NCAPG2: variants seen among roughly 807,000 people sequenced by gnomAD.
The protein encoded by NCAPG2 is non-SMC condensin II complex subunit G2, also known as condensin-2 complex subunit G2.
Under a neutral mutation model 141.1 loss-of-function variants are expected in NCAPG2, and 53 were observed. That is an observed-to-expected ratio of 0.38 (90% CI 0.30 to 0.47). NCAPG2 has a LOEUF of 0.47. Among genes scored for constraint, NCAPG2 ranks in the 20% least tolerant of loss-of-function variants. The pLI is 0.99. For synonymous variants in NCAPG2, 499 were observed against 490.7 expected (o/e 1.02, Z -0.22); for missense variants, 1,087 against 1,389.0 (o/e 0.78, Z 3.46).
intron 19 of NCAPG2, 41 bp from the exon 20 acceptor site, chr7:158,655,496 A>AG: frequency 6.6e-7 from 1 of 1,507,108 alleles, no homozygotes; most frequent in Non-Finnish European, 9.2e-7. Flanking sequence ...CTGACTGACA[A>AG]GGCACCACCA....
chr7:158,652,223 G>A, intron 23 of NCAPG2, 70 bp downstream of exon 23: 1 of 1,420,292 alleles, frequency 7.0e-7, no homozygotes, highest in Non-Finnish European at 9.7e-7. Context: ...CAGGGCTGAT[G>A]CATCTGTGTA....
At chr7:158,696,058 T>C (rs1835423713) in intron 2 of NCAPG2, 1 of 152,268 alleles carries the variant, frequency 6.6e-6, no homozygotes, top group Non-Finnish European at 1.5e-5. Flanking sequence ...GGAAGTCTTG[T>C]TGCGTAGCAA....
rs374240477 is a variant in NCAPG2 at position 158,675,576 on chromosome 7, T to C, written c.1227A>G (p.Glu409=). The change falls in exon 12 of 28, where the codon GAA becomes GAG. Residue 409 remains glutamate, a synonymous_variant. Coordinates refer to ENST00000356309, the MANE Select transcript of NCAPG2 (RefSeq NM_017760.7). The stretch of plus-strand genomic sequence containing the variant: ...CAATAAGAATGGTCGGGGGCATCAT[T>C]TCCCAGTACTTAGAAGTTATTTTAC... The part of the protein sequence containing the change: ...GVCKITSKYW[E]MMPPTILIDL... 1.4e-5 allele frequency: 23 copies of C among 1,613,664 alleles called. No individual in the cohort carries two copies. Among genetic ancestry groups the C allele is most frequent in the African/African-American group, 8.0e-5 (6 of 74,914 alleles).
intron 27 of NCAPG2, among the ~76,000 whole-genome samples, chr7:158,641,870 A>G (rs1242069753): frequency 1.3e-5 from 2 of 152,252 alleles, no homozygotes; most frequent in Non-Finnish European, 2.9e-5. Context: ...GGAAGGACAT[A>G]GTTCAACCCA....
intron 8 of NCAPG2, among the ~76,000 whole-genome samples, chr7:158,685,679 C>T (rs1443296372): frequency 6.6e-6 from 1 of 152,078 alleles, no homozygotes; most frequent in East Asian, 1.9e-4. Context: ...ATGTTAAGTA[C>T]AATGCATTTT....
intron 17 of NCAPG2, among the ~76,000 whole-genome samples, chr7:158,657,753 C>T (rs1220195077): frequency 6.6e-6 from 1 of 152,110 alleles, no homozygotes; most frequent in African/African-American, 2.4e-5. Flanking sequence ...GGATGGTTGC[C>T]GTGTCTCTGT....
At chr7:158,644,220 A>T (rs1275671212) in intron 27 of NCAPG2, 69 bp downstream of exon 27, 2 of 1,308,280 alleles carry the variant, frequency 1.5e-6, no homozygotes, top group East Asian at 2.3e-5. Context: ...TGAAAATACA[A>T]CCTCATGCAG....
At chr7:158,675,703 C>G in intron 11 of NCAPG2, 47 bp from the exon 12 acceptor site, 1 of 1,569,396 alleles carries the variant, frequency 6.4e-7, no homozygotes, top group Non-Finnish European at 8.6e-7. Flanking sequence ...ACTTATTTCC[C>G]GAAATCCACA....
At chr7:158,691,096 A>C (rs1286176856) in intron 4 of NCAPG2, among the ~76,000 whole-genome samples, 1 of 152,234 alleles carries the variant, frequency 6.6e-6, no homozygotes, top group Admixed American at 6.5e-5. Flanking sequence ...TCTACTGACC[A>C]ATCAATAATC....
chr7:158,693,143 C>T (rs542971027), intron 3 of NCAPG2, among the ~76,000 whole-genome samples, 166 bp downstream of exon 3: 1 of 152,258 alleles, frequency 6.6e-6, no homozygotes, highest in South Asian at 2.1e-4. Context: ...AGATTAATAA[C>T]AGTAGGGTTG....
chr7:158,632,156 C>G (rs1366806891), intron 27 of NCAPG2, among the ~76,000 whole-genome samples: 1 of 152,162 alleles, frequency 6.6e-6, no homozygotes. Flanking sequence ...AACCTGAAGC[C>G]TTTAGAAAAA....
At chr7:158,653,557 C>T (rs1480015410) in intron 22 of NCAPG2, among the ~76,000 whole-genome samples, 1 of 152,106 alleles carries the variant, frequency 6.6e-6, no homozygotes, top group African/African-American at 2.4e-5. Context: ...CTAGCATCTA[C>T]TTCAGTTGCA....
At chr7:158,687,285 C>CA (rs1834827481) in intron 7 of NCAPG2, 63 bp downstream of exon 7, 1 of 1,164,248 alleles carries the variant, frequency 8.6e-7, no homozygotes, top group Non-Finnish European at 1.2e-6. Context: ...GAAGTCAGAC[C>CA]AAATGGAATC....
chr7:158,635,199 G>A (rs1435234676), intron 27 of NCAPG2, among the ~76,000 whole-genome samples: 3 of 151,940 alleles, frequency 2.0e-5, no homozygotes, highest in Non-Finnish European at 2.9e-5. Context: ...AATTTCATTG[G>A]GTATGGATGA....
intron 2 of NCAPG2, among the ~76,000 whole-genome samples, chr7:158,694,712 A>G (rs1015145528): frequency 2.0e-5 from 3 of 152,194 alleles, no homozygotes; most frequent in African/African-American, 7.2e-5. Context: ...AGATAACCTC[A>G]TAAGCCCTCC....
At chr7:158,636,000 T>C (rs1284855611) in intron 27 of NCAPG2, among the ~76,000 whole-genome samples, 3 of 152,214 alleles carry the variant, frequency 2.0e-5, no homozygotes, top group African/African-American at 7.2e-5. Context: ...GGTTTTTCTA[T>C]AGTTTGCTTC....
At chr7:158,686,028 T>C (rs1834734086) in intron 8 of NCAPG2, 144 bp downstream of exon 8, 3 of 520,218 alleles carry the variant, frequency 5.8e-6, no homozygotes, top group African/African-American at 4.0e-5. Context: ...AGTGACTGGA[T>C]TGCCCATCAA....
rs1355594574 is a variant in NCAPG2 at position 158,660,429 on chromosome 7, TA to T, written c.1989+1764del. On this transcript the variant is annotated intron_variant, in intron 16 of 27. Transcript: ENST00000356309. ...TTTTTTTTTTTTTTTTTTTTTTTTT[TA>T]AAAGAGGCAGGGTCTCACTCTGTTG... is the stretch of plus-strand genomic sequence containing the variant. Among the ~76,000 whole-genome samples the T allele has an allele frequency of 2.4e-3, 215 of 91,398 alleles. 15 individuals are homozygous for T. The highest frequency in any genetic ancestry group is 9.8e-3 in the East Asian group (41 of 4,192). 60.0% of individuals were successfully genotyped at this position (91,398 alleles called of 152,430 possible). A position where few individuals can be genotyped will look rare whatever the true frequency, so the allele number is the denominator to read the frequency against.
intron 26 of NCAPG2, 32 bp from the exon 27 acceptor site, chr7:158,644,420 C>G: frequency 6.4e-7 from 1 of 1,550,406 alleles, no homozygotes; most frequent in Non-Finnish European, 8.9e-7. Flanking sequence ...ACAGAAAAGA[C>G]TTTAACATCA....
Sources: gnomAD v4.1 joint callset for allele counts (sites outside exome capture counted in the v4.1 genomes callset) on GRCh38, gnomAD v4.1.1 for gene constraint, MANE v1.5 for transcripts, NCBI Gene and HGNC (gene_info 2026-07-23, HGNC 2026-07-21) for gene names.